Variants in MTMR11 observed in about 807,000 individuals in gnomAD.
MTMR11 encodes myotubularin related protein 11.
Under a neutral mutation model 100.0 loss-of-function variants are expected in MTMR11, and 89 were observed. The observed-to-expected ratio is 0.89, with a 90% confidence interval of 0.75 to 1.06. The LOEUF is 1.06. MTMR11 is among the 50% of genes least tolerant of loss of function. MTMR11 has a pLI of 0.00. For missense variants in MTMR11, 809 were observed against 873.7 expected (o/e 0.93, Z 0.93); for synonymous variants, 336 against 326.3 (o/e 1.03, Z -0.32).
At chr1:149,930,333 T>C in intron 15 of MTMR11, 32 bp downstream of exon 15, 1 of 1,589,362 alleles carries the variant, frequency 6.3e-7, no homozygotes, top group African/African-American at 1.3e-5. Context: ...TGTGGGAACG[T>C]CAAGGGAATT....
rs1288353918 is a variant in MTMR11, at chr1:149,929,671, C to G, written c.1893G>C (p.Gln631His). Residue 631 changes from glutamine (Q) to histidine (H), a missense_variant, in exon 16 of 17, where the codon CAG (glutamine) becomes CAC (histidine). Transcript: ENST00000439741. ...GLLLPGYLGPQIRLWRRCYLR... is the reference protein window; with the variant it reads ...GLLLPGYLGPHIRLWRRCYLR... The stretch of plus-strand genomic sequence containing the variant: ...GGTAGCAGCGTCTCCAGAGCCTGAT[C>G]TGGGGTCCCAGATACCCAGGCAGCA... The G allele has an allele frequency of 1.9e-6, 3 of 1,613,970 alleles. No individual in the cohort carries two copies. Among genetic ancestry groups the G allele is most frequent in the East Asian group, 2.2e-5 (1 of 44,882 alleles).
At chr1:149,933,353 C>T in intron 10 of MTMR11, 53 bp downstream of exon 10, 2 of 1,602,040 alleles carry the variant, frequency 1.2e-6, no homozygotes, top group South Asian at 2.2e-5. Context: ...CCAGGTTAGG[C>T]TCAGCAGACC....
intron 16 of MTMR11, 120 bp from the exon 17 acceptor site, chr1:149,929,437 T>C: frequency 8.2e-7 from 1 of 1,222,674 alleles, no homozygotes; most frequent in Non-Finnish European, 1.2e-6. Context: ...TAAATTCCAC[T>C]TAATCTAAGC....
In MTMR11 at chr1:149,932,022, A is replaced by G; in HGVS notation, c.1053-8T>C. The G allele has an allele frequency of 6.2e-7, 1 of 1,610,456 alleles. No homozygotes were observed. The highest frequency in any genetic ancestry group is 8.5e-7 in the Non-Finnish European group (1 of 1,176,726). ...GCCTTTCGAAGACAAGCCCTGGAGG[A>G]GCAGGTGAGGAAGAGGGAGGAAGAA... On this transcript the variant is annotated splice_polypyrimidine_tract_variant and splice_region_variant and intron_variant, in intron 11 of 16. Transcript: ENST00000439741.
chr1:149,933,359 A>G, intron 10 of MTMR11, 47 bp downstream of exon 10: 1 of 1,605,222 alleles, frequency 6.2e-7, no homozygotes, highest in Non-Finnish European at 8.5e-7. Flanking sequence ...TAGGCTCAGC[A>G]GACCTAGGGG....
intron 8 of MTMR11, 41 bp from the exon 9 acceptor site, chr1:149,933,739 C>T: frequency 6.2e-7 from 1 of 1,612,424 alleles, no homozygotes; most frequent in Non-Finnish European, 8.5e-7. Flanking sequence ...GGAGAAATGC[C>T]TAGCTCCACG....
chr1:149,929,342 GAGA>G (rs782060226), intron 16 of MTMR11, 25 bp from the exon 17 acceptor site: 4 of 1,590,306 alleles, frequency 2.5e-6, no homozygotes, highest in African/African-American at 1.3e-5. Flanking sequence ...AAGAGGAACA[GAGA>G]AGAATACTGT....
In MTMR11 at chr1:149,931,325, G is replaced by A. The variant is rs782759787; in HGVS notation, c.1225C>T (p.Arg409Ter). ...GGATGTCCAGCTGCCACCCACTCTC[G>A]CTGTACTAGTGATTGGAAGCCAAAC... ...TLFGFQSLVQ[R>*]EWVAAGHPFL... Residue 409 changes from arginine (R) to a stop codon, truncating the protein, a stop_gained, in exon 13 of 17, where the codon CGA becomes TGA. Transcript: ENST00000439741. LOFTEE classifies it high-confidence loss of function. The A allele has an allele frequency of 1.9e-5, 30 of 1,613,952 alleles. No homozygotes were observed. Among genetic ancestry groups the A allele is most frequent in the African/African-American group, 4.0e-5 (3 of 74,848 alleles).
At chr1:149,930,230 T>C in intron 15 of MTMR11, 135 bp downstream of exon 15, 1 of 963,146 alleles carries the variant, frequency 1.0e-6, no homozygotes. Flanking sequence ...CCAGGGACTA[T>C]AAGTGACAGC....
At chr1:149,929,527 C>T in intron 16 of MTMR11, 96 bp downstream of exon 16, 2 of 1,431,770 alleles carry the variant, frequency 1.4e-6, no homozygotes, top group Admixed American at 2.1e-5. Flanking sequence ...TCCCAGACTC[C>T]CAGAGGCTTC....
rs587639575 is a variant in MTMR11, at chr1:149,932,482, A to G, written c.986-152T>C. On this transcript the variant is annotated intron_variant, in intron 10 of 16. Transcript: ENST00000439741. Reference sequence around the variant, plus strand: ...AATTAAACTGTGGTGATGGTTGTACAACATTGTAAATATAATAAAACTCAC... The same window carrying G: ...AATTAAACTGTGGTGATGGTTGTACGACATTGTAAATATAATAAAACTCAC... The G allele has an allele frequency of 9.1e-6, 6 of 656,736 alleles. No homozygotes were observed. In the South Asian group the frequency reaches 1.1e-4, roughly 12 times the overall value. 40.7% of individuals were successfully genotyped at this position (656,736 alleles called of 1,614,324 possible). A position where few individuals can be genotyped will look rare whatever the true frequency, so the allele number is the denominator to read the frequency against.
In MTMR11 at chr1:149,936,655, G is replaced by A; in HGVS notation, c.-8C>T. 6.5e-7 allele frequency: 1 copy of A among 1,532,692 alleles called. No individual in the cohort carries two copies. 94.9% of individuals were successfully genotyped at this position (1,532,692 alleles called of 1,614,324 possible). A position where few individuals can be genotyped will look rare whatever the true frequency, so the allele number is the denominator to read the frequency against. Reference sequence around the variant, plus strand: ...CCGGCCCCCCCACCACATTTCTCTGGCTCCATCCGGGGACACAGCAGTTAA... The same window carrying A: ...CCGGCCCCCCCACCACATTTCTCTGACTCCATCCGGGGACACAGCAGTTAA... On this transcript the variant is annotated 5_prime_UTR_variant, in exon 1 of 17. Coordinates refer to ENST00000439741, the MANE Select transcript of MTMR11 (RefSeq NM_001145862.2).
Position 149,929,344 on chromosome 1 carries a change from G to C in MTMR11, c.1942-27C>G, listed in dbSNP as rs138011371. On this transcript the variant is annotated intron_variant, in intron 16 of 16. Coordinates refer to ENST00000439741, the MANE Select transcript of MTMR11 (RefSeq NM_001145862.2). Reference sequence around the variant, plus strand: ...TGGGGAGGAGGCAAAGAGGAACAGAGAAGAATACTGTTGTAGCTCTGGCCC... The same window carrying C: ...TGGGGAGGAGGCAAAGAGGAACAGACAAGAATACTGTTGTAGCTCTGGCCC... 1.6e-5 allele frequency: 25 copies of C among 1,582,564 alleles called. No homozygotes were observed. The African/African-American group carries it at 2.0e-4, about 13-fold the overall frequency.
rs782692700 is a variant in MTMR11 at position 149,930,520 on chromosome 1, G to T, written c.1492C>A (p.Pro498Thr). 5 of 1,613,722 alleles carry T rather than the reference G, an allele frequency of 3.1e-6. No homozygotes were observed. The South Asian group carries it at 5.5e-5, about 18-fold the overall frequency. The part of the protein sequence containing the change: ...QLNSYTQVYT[P>T]GYSQPPAGNS... ...CCAGCTGGAGGCTGGGAGTATCCTG[G>T]GGTGTAGACTTGTGTATAGGAGTTT... The change falls in exon 15 of 17, where the codon CCA becomes ACA. Residue 498 changes from proline to threonine, a missense_variant. Coordinates refer to ENST00000439741, the MANE Select transcript of MTMR11 (RefSeq NM_001145862.2).
In MTMR11 at chr1:149,931,973, G is replaced by A. The variant is rs1553767753; in HGVS notation, c.1094C>T (p.Thr365Ile). 2 of 1,613,968 alleles carry A rather than the reference G, an allele frequency of 1.2e-6. No homozygotes were observed. Among genetic ancestry groups the A allele is most frequent in the Non-Finnish European group, 1.7e-6 (2 of 1,179,814 alleles). Residue 365 changes from threonine (T) to isoleucine (I), a missense_variant, in exon 12 of 17, where the codon ACA (threonine) becomes ATA (isoleucine). Thr to Ile is a moderately conservative substitution (Grantham distance 89). Coordinates refer to ENST00000439741, the MANE Select transcript of MTMR11 (RefSeq NM_001145862.2). ...AAGTATTACAGAACGAACCCTGGAT[G>A]TCACTAATACTGAAATGTCACTGGC... Reference protein sequence around the residue: ...RKASDISVLVTSRVRSVILQE... With the variant: ...RKASDISVLVISRVRSVILQE...
chr1:149,931,856 CT>C, intron 12 of MTMR11, 87 bp downstream of exon 12: 1 of 1,206,956 alleles, frequency 8.3e-7, no homozygotes. Flanking sequence ...AGGAAGAAGC[CT>C]TATGGGTCTC....
At chr1:149,931,005 C>A in intron 13 of MTMR11, 40 bp from the exon 14 acceptor site, 1 of 1,536,230 alleles carries the variant, frequency 6.5e-7, no homozygotes, top group Non-Finnish European at 8.8e-7. Flanking sequence ...TTATTGGGAC[C>A]CAAAGAGGGA....
At chr1:149,931,110 T>G (rs2092654421) in intron 13 of MTMR11, 145 bp from the exon 14 acceptor site, 1 of 1,341,878 alleles carries the variant, frequency 7.5e-7, no homozygotes, top group Non-Finnish European at 1.0e-6. Context: ...TAGCAGGGGC[T>G]TGTAAGGCCT....
Position 149,929,855 on chromosome 1 carries a change from GT to G in MTMR11, c.1708del (p.Thr570ProfsTer3). ...SVWLFSRGAL[T>X]PLNQLCPWRD... ...CCAAGGACAGAGCTGATTCAGGGGG[GT>G]CAATGCTCCTCTAGAGAAGAGCCAC... On this transcript the variant is annotated frameshift_variant, in exon 16 of 17. Coordinates refer to ENST00000439741, the MANE Select transcript of MTMR11 (RefSeq NM_001145862.2). LOFTEE classifies it high-confidence loss of function. The G allele has an allele frequency of 6.2e-7, 1 of 1,614,200 alleles. No individual in the cohort carries two copies.
Sources: allele counts gnomAD v4.1 joint callset, GRCh38; gene constraint gnomAD v4.1.1; transcripts MANE v1.5; gene names NCBI Gene and HGNC (gene_info 2026-07-23, HGNC 2026-07-21).